The following PLA2G6 variants were observed in gnomAD, a reference collection of about 807,000 sequenced individuals.
PLA2G6 encodes phospholipase A2 group VI, also known as 85/88 kDa calcium-independent phospholipase A2.
A neutral mutation model predicts 83.8 loss-of-function variants in PLA2G6; 62 were observed. The ratio of observed to expected loss-of-function variants is 0.74; its 90% CI spans 0.60 to 0.91. The LOEUF (loss-of-function observed/expected upper bound fraction) is 0.91. Ranked by LOEUF, PLA2G6 falls within the 40% of genes least tolerant of loss-of-function variation. PLA2G6 has a pLI of 0.00. For missense variants in PLA2G6, 944 were observed against 1,102.0 expected (o/e 0.86, Z 2.03); for synonymous variants, 417 against 449.8 (o/e 0.93, Z 0.92).
intron 1 of PLA2G6, among the ~76,000 whole-genome samples, chr22:38,178,591 G>A (rs1386652632): frequency 2.0e-5 from 3 of 151,950 alleles, no homozygotes; most frequent in African/African-American, 4.8e-5. Flanking sequence ...AAGGCCGGGC[G>A]CGGTGGCTCA....
chr22:38,118,159 T>C (rs1035570853), intron 12 of PLA2G6, among the ~76,000 whole-genome samples: 7 of 152,216 alleles, frequency 4.6e-5, no homozygotes, highest in African/African-American at 1.4e-4. Context: ...TTGGCTTTTA[T>C]TGATGAACTG....
Position 38,128,101 on chromosome 22 carries a change from G to A in PLA2G6, c.1348+168C>T. ...TCAGCCAGGGACACCCTAGGCCTCTGGGATCTGTGGGTTGCTGGCTGCCTA... is the reference window on the plus strand; with the variant it reads ...TCAGCCAGGGACACCCTAGGCCTCTAGGATCTGTGGGTTGCTGGCTGCCTA... On this transcript the variant is annotated intron_variant, in intron 9 of 16. Transcript: ENST00000332509. This position sits in a 1 kb window ranked among gnomAD's most constrained non-coding sequence, Gnocchi z 4.4. 1 of 671,414 alleles carries A rather than the reference G, an allele frequency of 1.5e-6. No individual in the cohort carries two copies. The highest frequency in any genetic ancestry group is 2.6e-5 in the East Asian group (1 of 38,202). The allele number at this position is 671,414 out of a possible 1,614,324, so 41.6% of individuals were successfully genotyped here.
In PLA2G6 at chr22:38,175,185, G is replaced by A. The variant is rs114181774; in HGVS notation, c.-45-5714C>T. ...TGTAGTGAAAGGGGCCTGCACTTGC[G>A]TCCTCCCTGGAATGCGCTCTCCAGT... On this transcript the variant is annotated intron_variant, in intron 1 of 16. Coordinates refer to ENST00000332509, the MANE Select transcript of PLA2G6 (RefSeq NM_003560.4). Among the ~76,000 whole-genome samples, 1,421 of 152,232 alleles carry A rather than the reference G, an allele frequency of 9.3e-3. 27 individuals carry two copies. Among genetic ancestry groups the A allele is most frequent in the African/African-American group, 0.032 (1,319 of 41,524 alleles).
At chr22:38,156,564 C>A (rs187758191) in intron 2 of PLA2G6, among the ~76,000 whole-genome samples, 1 of 152,104 alleles carries the variant, frequency 6.6e-6, no homozygotes, top group Non-Finnish European at 1.5e-5. Flanking sequence ...CACCATTCTC[C>A]TGCCTCAGCC....
In PLA2G6 at chr22:38,128,982, G is replaced by C. The variant is rs1358535542; in HGVS notation, c.1186+472C>G. Among the ~76,000 whole-genome samples, 8 of 152,400 alleles carry C rather than the reference G, an allele frequency of 5.2e-5. No homozygotes were observed. The East Asian group carries it at 1.4e-3, about 26-fold the overall frequency. Reference sequence around the variant, plus strand: ...GCGGGCTCCAGGCCTCTGGTGAGGAGGATCTGCTCTGTCCAGCTCTGAAGC... The same window carrying C: ...GCGGGCTCCAGGCCTCTGGTGAGGACGATCTGCTCTGTCCAGCTCTGAAGC... On this transcript the variant is annotated intron_variant, in intron 8 of 16. Transcript: ENST00000332509. This position sits in a 1 kb window ranked among gnomAD's most constrained non-coding sequence, Gnocchi z 4.4.
intron 12 of PLA2G6, 153 bp from the exon 13 acceptor site, chr22:38,116,364 A>G: frequency 1.2e-6 from 1 of 836,058 alleles, no homozygotes; most frequent in Non-Finnish European, 2.0e-6. Context: ...ATCCCCGCAA[A>G]ACAGGCTCTC....
At chr22:38,157,154 A>G (rs2089815798) in intron 2 of PLA2G6, among the ~76,000 whole-genome samples, 1 of 152,108 alleles carries the variant, frequency 6.6e-6, no homozygotes, top group Non-Finnish European at 1.5e-5. Flanking sequence ...AAACAAAACA[A>G]TACAAAAGAT....
rs112251424 is a variant in PLA2G6 at position 38,157,783 on chromosome 22, C to A, written c.209+11435G>T. Among the ~76,000 whole-genome samples, 638 of 152,272 alleles carry A rather than the reference C, an allele frequency of 4.2e-3. 8 individuals are homozygous for A. Among genetic ancestry groups the A allele is most frequent in the African/African-American group, 0.015 (608 of 41,556 alleles). ...AGGCGCAGTGGCTCACACCTGTAAT[C>A]CCGGCACTTTGGGAGGCAGGGGCAG... On this transcript the variant is annotated intron_variant, in intron 2 of 16. Transcript: ENST00000332509.
rs1569270652 is a variant in PLA2G6, at chr22:38,139,451, T to TTTATTTATTTA, written c.797+530_797+531insTAAATAAATAA. ...TATTTATTTATTTATTTATTTATTT[T>TTTATTTATTTA]TTGAGACAGTTTCGCTCTTATTGCC... is the stretch of plus-strand genomic sequence containing the variant. On this transcript the variant is annotated intron_variant, in intron 5 of 16. Coordinates refer to ENST00000332509, the MANE Select transcript of PLA2G6 (RefSeq NM_003560.4). 7 of 79,040 alleles carry TTTATTTATTTA rather than the reference T, an allele frequency of 8.9e-5. No homozygotes were observed. The South Asian group carries it at 2.4e-3, about 27-fold the overall frequency. 4.9% of individuals were successfully genotyped at this position (79,040 alleles called of 1,614,324 possible).
chr22:38,138,851 G>A (rs1472093057), intron 5 of PLA2G6: 1 of 152,092 alleles, frequency 6.6e-6, no homozygotes, highest in Non-Finnish European at 1.5e-5. Context: ...TGTATTTTTA[G>A]TAGAGACAGG....
At chr22:38,131,302 G>C (rs964035456) in intron 7 of PLA2G6, 9 of 152,152 alleles carry the variant, frequency 5.9e-5, no homozygotes, top group African/African-American at 2.2e-4. Context: ...TGGTGTACAC[G>C]AGCCACTGCA....
chr22:38,129,959 G>A (rs965700332), intron 7 of PLA2G6, among the ~76,000 whole-genome samples: 2 of 152,226 alleles, frequency 1.3e-5, no homozygotes, highest in African/African-American at 4.8e-5. Context: ...GGGCAGGGAA[G>A]GCCATCTTGC....
intron 14 of PLA2G6, 56 bp from the exon 15 acceptor site, chr22:38,113,710 G>A (rs548185417): frequency 6.4e-5 from 99 of 1,537,656 alleles, no homozygotes; most frequent in Middle Eastern, 1.7e-4. Context: ...TAGGGGGCAC[G>A]AAGGGGAGCG....
At chr22:38,168,250 G>GC (rs1424456680) in intron 2 of PLA2G6, among the ~76,000 whole-genome samples, 1 of 152,232 alleles carries the variant, frequency 6.6e-6, no homozygotes, top group Non-Finnish European at 1.5e-5. Context: ...GGTGCTTGGT[G>GC]CATGTTGAAT....
chr22:38,176,245 C>T (rs2090626221), intron 1 of PLA2G6, among the ~76,000 whole-genome samples: 1 of 152,106 alleles, frequency 6.6e-6, no homozygotes, highest in Admixed American at 6.6e-5. Context: ...CTAGTCCAAG[C>T]AGGAAAGACT....
intron 5 of PLA2G6, chr22:38,138,437 C>T (rs978906702): frequency 2.6e-5 from 4 of 152,314 alleles, no homozygotes; most frequent in Non-Finnish European, 5.9e-5. Flanking sequence ...GATGCAGCTC[C>T]CAGAGGAAGG....
intron 2 of PLA2G6, among the ~76,000 whole-genome samples, chr22:38,155,144 G>A (rs2089725433): frequency 6.6e-6 from 1 of 151,852 alleles, no homozygotes; most frequent in Non-Finnish European, 1.5e-5. Flanking sequence ...GAAGAATGGT[G>A]TGAACCCGGG....
chr22:38,120,292 A>T (rs1255858804), intron 12 of PLA2G6, among the ~76,000 whole-genome samples: 1 of 152,264 alleles, frequency 6.6e-6, no homozygotes, highest in Admixed American at 6.5e-5. Flanking sequence ...ATAACCTAGT[A>T]GTCCGATCCT....
At chr22:38,175,034 C>G (rs2090581604) in intron 1 of PLA2G6, among the ~76,000 whole-genome samples, 1 of 152,164 alleles carries the variant, frequency 6.6e-6, no homozygotes, top group Non-Finnish European at 1.5e-5. Context: ...CCTGAAGGAC[C>G]CTGGGCAGGT....
Sources: allele counts gnomAD v4.1 joint callset (sites outside exome capture counted in the v4.1 genomes callset), GRCh38; gene constraint gnomAD v4.1.1; non-coding constraint Gnocchi (gnomAD v3.1); transcripts MANE v1.5; gene names NCBI Gene and HGNC (gene_info 2026-07-23, HGNC 2026-07-21).